SHCBP1: variants seen among roughly 807,000 people sequenced by gnomAD.
SHCBP1 encodes SHC binding and spindle associated 1.
A neutral mutation model predicts 75.1 loss-of-function variants in SHCBP1; 60 were observed. That is an observed-to-expected ratio of 0.80 (90% CI 0.65 to 0.99). SHCBP1 has a LOEUF of 0.99. Ranked by LOEUF, SHCBP1 falls within the 50% of genes least tolerant of loss-of-function variation. The pLI, the probability that SHCBP1 is intolerant of heterozygous loss-of-function variation, is 0.00. For synonymous variants in SHCBP1, 290 were observed against 293.2 expected (o/e 0.99, Z 0.11); for missense variants, 709 against 809.4 (o/e 0.88, Z 1.50).
At chr16:46,588,522 C>T (rs1424496626) in intron 10 of SHCBP1, among the ~76,000 whole-genome samples, 3 of 152,090 alleles carry the variant, frequency 2.0e-5, no homozygotes, top group Non-Finnish European at 2.9e-5. Context: ...TACAAACTAC[C>T]ATCAGAGAAC....
At chr16:46,595,743 T>C (rs1358345962) in intron 9 of SHCBP1, 73 bp from the exon 10 acceptor site, 1 of 1,016,144 alleles carries the variant, frequency 9.8e-7, no homozygotes, top group African/African-American at 1.6e-5. Context: ...AGCCTCGCGC[T>C]GACATTAGCT....
chr16:46,590,256 G>A (rs1398714676), intron 10 of SHCBP1, among the ~76,000 whole-genome samples: 1 of 152,160 alleles, frequency 6.6e-6, no homozygotes. Context: ...ACATACGCAT[G>A]GCAGGACTTC....
chr16:46,611,872 C>T (rs1219891113), intron 4 of SHCBP1, among the ~76,000 whole-genome samples: 1 of 152,188 alleles, frequency 6.6e-6, no homozygotes, highest in Admixed American at 6.5e-5. Context: ...CAGCAGTCAT[C>T]GATGTTCACT....
At chr16:46,609,517 T>C (rs1406523194) in intron 4 of SHCBP1, among the ~76,000 whole-genome samples, 1 of 135,364 alleles carries the variant, frequency 7.4e-6, no homozygotes, top group Non-Finnish European at 1.6e-5. Flanking sequence ...AGTGGCGCCA[T>C]CTTGGCTCAC....
intron 3 of SHCBP1, among the ~76,000 whole-genome samples, chr16:46,617,329 C>T (rs956602122): frequency 3.3e-5 from 5 of 152,242 alleles, no homozygotes; most frequent in African/African-American, 1.2e-4. Context: ...AGCTGCTTAA[C>T]GAATTACAAT....
In SHCBP1 at chr16:46,603,876, T is replaced by C. The variant is rs191798302; in HGVS notation, c.1092+99A>G. ...ACTACTTCCCATGCACAGAAAACCG[T>C]CTTGGGAAAGCTCCTGTAAATACTT... On this transcript the variant is annotated intron_variant, in intron 7 of 12. Transcript: ENST00000303383. 1,339 of 1,467,136 alleles carry C rather than the reference T, an allele frequency of 9.1e-4. 11 individuals carry two copies. The highest frequency in any genetic ancestry group is 7.0e-3 in the Admixed American group (307 of 43,600). The allele number at this position is 1,467,136 out of a possible 1,614,324, so 90.9% of individuals were successfully genotyped here.
In SHCBP1 at chr16:46,616,026, C is replaced by T; in HGVS notation, c.516G>A (p.Arg172=). 1 of 1,614,204 alleles carries T rather than the reference C, an allele frequency of 6.2e-7. No individual in the cohort carries two copies. Among genetic ancestry groups the T allele is most frequent in the South Asian group, 1.1e-5 (1 of 91,080 alleles). The change falls in exon 4 of 13, where the codon CGG becomes CGA. Residue 172 remains arginine (R), a synonymous_variant. Coordinates refer to ENST00000303383, the MANE Select transcript of SHCBP1 (RefSeq NM_024745.5). This position sits in a 1 kb window ranked among gnomAD's most constrained non-coding sequence, Gnocchi z 4.4. The part of the protein sequence containing the change: ...MKELLDLKEH[R]LPLQELWVVF... ...CCACCCACAGCTCCTGCAGGGGCAA[C>T]CGATGCTCCTTCAGATCAAGGAGCT...
rs745483254 is a variant in SHCBP1, at chr16:46,613,667, ACT to A, written c.596+2277_596+2278del. Among the ~76,000 whole-genome samples, 7 of 152,248 alleles carry A rather than the reference ACT, an allele frequency of 4.6e-5. No individual in the cohort carries two copies. In the East Asian group the frequency reaches 1.2e-3, roughly 25 times the overall value. On this transcript the variant is annotated intron_variant, in intron 4 of 12. Coordinates refer to ENST00000303383, the MANE Select transcript of SHCBP1 (RefSeq NM_024745.5). ...CAGCAACTTGACCTAATTTTAGGAC[ACT>A]CTGTAATTCATCACAGCACTCACTG...
At chr16:46,607,344 A>C (rs1965341459) in intron 5 of SHCBP1, among the ~76,000 whole-genome samples, 1 of 152,152 alleles carries the variant, frequency 6.6e-6, no homozygotes, top group African/African-American at 2.4e-5. Flanking sequence ...ACAGAGTGAG[A>C]GCTTGTCTCA....
chr16:46,593,695 T>C (rs1264970510), intron 10 of SHCBP1, among the ~76,000 whole-genome samples: 1 of 151,458 alleles, frequency 6.6e-6, no homozygotes, highest in Non-Finnish European at 1.5e-5. Flanking sequence ...GCCGTGTTCA[T>C]GCCACCGCAT....
At position 46,608,380 on chromosome 16, in the gene SHCBP1, G is replaced by A; in HGVS notation, c.606C>T (p.Tyr202=). ...ALAIEHVRFF[Y]QNIWRSWDEE... ...CATCCCAACTCCTCCAAATGTTTTG[G>A]TAGAAAAATCTGAAATGGAACTTAG... The change falls in exon 5 of 13, where the codon TAC becomes TAT. Residue 202 remains tyrosine (Y), a synonymous_variant. Transcript: ENST00000303383. 3 of 1,612,330 alleles carry A rather than the reference G, an allele frequency of 1.9e-6. No individual in the cohort carries two copies. Among genetic ancestry groups the A allele is most frequent in the Non-Finnish European group, 2.5e-6 (3 of 1,178,832 alleles).
chr16:46,606,573 G>A (rs1015002844), intron 5 of SHCBP1, among the ~76,000 whole-genome samples: 8 of 152,068 alleles, frequency 5.3e-5, no homozygotes, highest in Non-Finnish European at 8.8e-5. Context: ...TCCGATATAC[G>A]TTATGTTCCC....
intron 9 of SHCBP1, among the ~76,000 whole-genome samples, chr16:46,599,030 C>T (rs750671557): frequency 1.3e-5 from 2 of 152,346 alleles, no homozygotes; most frequent in East Asian, 1.9e-4. Context: ...CTCTGCAATA[C>T]GCTCTGATTT....
At chr16:46,598,537 T>C (rs532653956) in intron 9 of SHCBP1, among the ~76,000 whole-genome samples, 1 of 152,308 alleles carries the variant, frequency 6.6e-6, no homozygotes, top group South Asian at 2.1e-4. Flanking sequence ...ACAGATGTGC[T>C]ACCATTCAGG....
chr16:46,593,934 G>C (rs1965091313), intron 10 of SHCBP1, among the ~76,000 whole-genome samples: 1 of 151,890 alleles, frequency 6.6e-6, no homozygotes, highest in Non-Finnish European at 1.5e-5. Flanking sequence ...AGGAACCAGG[G>C]TAGCTGAAAC....
chr16:46,599,702 G>A (rs1484429461), intron 9 of SHCBP1, 129 bp downstream of exon 9: 5 of 37,420 alleles, frequency 1.3e-4, no homozygotes, highest in East Asian at 4.6e-4. Flanking sequence ...ACTCAGCATC[G>A]TGAAGTGCAA....
At chr16:46,584,998 T>C (rs1964934934) in intron 10 of SHCBP1, among the ~76,000 whole-genome samples, 1 of 152,192 alleles carries the variant, frequency 6.6e-6, no homozygotes, top group Non-Finnish European at 1.5e-5. Flanking sequence ...TATACACCAA[T>C]CTAACTCTTT....
intron 5 of SHCBP1, among the ~76,000 whole-genome samples, chr16:46,606,434 G>C (rs942401235): frequency 6.6e-6 from 1 of 152,136 alleles, no homozygotes; most frequent in Admixed American, 6.6e-5. Context: ...AACTACACAC[G>C]ATTCCTCCCT....
Position 46,580,003 on chromosome 16 carries a change from T to C in SHCBP1, c.*1726A>G, listed in dbSNP as rs1390990000. On this transcript the variant is annotated 3_prime_UTR_variant, in exon 13 of 13. Transcript: ENST00000303383. The stretch of plus-strand genomic sequence containing the variant: ...AGCTGGGCATGGTGGCGGGCACCTA[T>C]AATCCCAGCTACTCAGGCGACTGAG... Among the ~76,000 whole-genome samples, 1 of 151,288 alleles carries C rather than the reference T, an allele frequency of 6.6e-6. No homozygotes were observed. Among genetic ancestry groups the C allele is most frequent in the Non-Finnish European group, 1.5e-5 (1 of 67,932 alleles).
Sources: gnomAD v4.1 joint callset for allele counts (sites outside exome capture counted in the v4.1 genomes callset) on GRCh38, gnomAD v4.1.1 for gene constraint, Gnocchi (gnomAD v3.1) non-coding constraint, MANE v1.5 for transcripts, NCBI Gene and HGNC (gene_info 2026-07-23, HGNC 2026-07-21) for gene names.